Variants in ZC3H18 observed in about 807,000 individuals in gnomAD.
ZC3H18 encodes zinc finger CCCH-type containing 18.
A neutral mutation model predicts 106.1 loss-of-function variants in ZC3H18; 8 were observed. The ratio of observed to expected loss-of-function variants is 0.08; its 90% CI spans 0.04 to 0.14. ZC3H18 has a LOEUF of 0.14. Ranked by LOEUF, ZC3H18 falls within the 10% of genes least tolerant of loss-of-function variation. ZC3H18 has a pLI of 1.00. For synonymous variants in ZC3H18, 635 were observed against 522.1 expected (o/e 1.22, Z -2.95); for missense variants, 1,318 against 1,278.4 (o/e 1.03, Z -0.47).
intron 8 of ZC3H18, among the ~76,000 whole-genome samples, chr16:88,617,790 C>A (rs955041703): frequency 6.6e-6 from 1 of 152,236 alleles, no homozygotes; most frequent in Non-Finnish European, 1.5e-5. Context: ...CCGCAGAGTC[C>A]GCACCCCTTT....
chr16:88,596,134 C>A (rs937012806), intron 3 of ZC3H18, among the ~76,000 whole-genome samples: 1 of 152,210 alleles, frequency 6.6e-6, no homozygotes, highest in African/African-American at 2.4e-5. Flanking sequence ...TGTCTGGTCT[C>A]TAGTGGCAGC....
chr16:88,608,628 G>C (rs1262983782), intron 6 of ZC3H18: 1 of 186,194 alleles, frequency 5.4e-6, no homozygotes, highest in African/African-American at 2.4e-5. Flanking sequence ...CTCCCACGGT[G>C]CTGGGATTAC....
intron 6 of ZC3H18, among the ~76,000 whole-genome samples, chr16:88,601,899 T>A (rs2142699731): frequency 6.6e-6 from 1 of 151,296 alleles, no homozygotes; most frequent in African/African-American, 2.4e-5. Flanking sequence ...ATAGACACAG[T>A]GGAAAGAACT....
Position 88,577,155 on chromosome 16 carries a change from C to T in ZC3H18, c.32C>T (p.Pro11Leu). The T allele has an allele frequency of 6.3e-7, 1 of 1,582,396 alleles. No homozygotes were observed. The highest frequency in any genetic ancestry group is 8.6e-7 in the Non-Finnish European group (1 of 1,162,122). MDVAESPERDPHSPEDEEQPQ... is the reference protein window; with the variant it reads MDVAESPERDLHSPEDEEQPQ... ...GTGGCCGAGAGCCCTGAACGGGATC[C>T]TCACTCTCCAGAGGATGAAGAGCAG... The change falls in exon 2 of 18, where the codon CCT becomes CTT. Residue 11 changes from proline (P) to leucine (L), a missense_variant. Around this residue, in one of 6 missense-constraint regions of ZC3H18, gnomAD observed 346 missense variants for 269.0 expected, o/e 1.29. Transcript: ENST00000301011.
chr16:88,613,016 G>A (rs150815311), intron 8 of ZC3H18, among the ~76,000 whole-genome samples: 128 of 152,160 alleles, frequency 8.4e-4, no homozygotes, highest in African/African-American at 2.9e-3. Flanking sequence ...ATAAAAAGAA[G>A]AAACATTGTA....
chr16:88,575,203 A>G (rs1169407065), intron 1 of ZC3H18, among the ~76,000 whole-genome samples: 2 of 151,962 alleles, frequency 1.3e-5, no homozygotes, highest in East Asian at 3.8e-4. Context: ...GTTGATACCA[A>G]TTCTTGATAC....
intron 1 of ZC3H18, among the ~76,000 whole-genome samples, chr16:88,576,198 G>T (rs1914737264): frequency 6.8e-6 from 1 of 146,634 alleles, no homozygotes; most frequent in Non-Finnish European, 1.5e-5. Flanking sequence ...ACCGCGCCTG[G>T]CCTGAATTTT....
intron 6 of ZC3H18, among the ~76,000 whole-genome samples, chr16:88,608,005 T>C (rs544178922): frequency 7.9e-5 from 12 of 152,362 alleles, no homozygotes; most frequent in African/African-American, 2.9e-4. Context: ...TAACTGGTTA[T>C]AATCTGTGTC....
At chr16:88,571,152 A>G (rs1914381915) in intron 1 of ZC3H18, among the ~76,000 whole-genome samples, 2 of 152,208 alleles carry the variant, frequency 1.3e-5, no homozygotes, top group Admixed American at 6.5e-5. Context: ...GACCAACTGC[A>G]GCTATAATGC....
rs766039591 is a variant in ZC3H18, at chr16:88,630,544, G to C, written c.2626G>C (p.Gly876Arg). ...CTCCCCGAAGCCAGAGCGGCAGAGA[G>C]GCCAGAACTCCAAAGCCCCTGCAGC... is the stretch of plus-strand genomic sequence containing the variant. ...LGSPKPERQR[G>R]QNSKAPAAPA... is the part of the protein sequence containing the mutation. The change falls in exon 17 of 18, where the codon GGC (glycine) becomes CGC (arginine). Residue 876 changes from glycine (G) to arginine (R), a missense_variant. Physicochemically the swap from Gly to Arg is moderately radical, Grantham distance 125 (BLOSUM62 -2). Transcript: ENST00000301011. 1 of 1,612,372 alleles carries C rather than the reference G, an allele frequency of 6.2e-7. No individual in the cohort carries two copies. Among genetic ancestry groups the C allele is most frequent in the South Asian group, 1.1e-5 (1 of 90,770 alleles).
rs766353472 is a variant in ZC3H18 at position 88,609,097 on chromosome 16, A to G, written c.1206+46A>G. 7 of 1,464,528 alleles carry G rather than the reference A, an allele frequency of 4.8e-6. No individual in the cohort carries two copies. In the Admixed American group the frequency reaches 1.2e-4, roughly 26 times the overall value. 90.7% of individuals were successfully genotyped at this position (1,464,528 alleles called of 1,614,324 possible). A position where few individuals can be genotyped will look rare whatever the true frequency, so the allele number is the denominator to read the frequency against. The stretch of plus-strand genomic sequence containing the variant: ...CACATATGAACTTCATGATCTGTTC[A>G]TTCAAGTTATCCCTTTTTATTTACA... On this transcript the variant is annotated intron_variant, in intron 7 of 17. Transcript: ENST00000301011.
intron 2 of ZC3H18, among the ~76,000 whole-genome samples, chr16:88,581,557 C>A (rs553305622): frequency 1.3e-5 from 2 of 152,196 alleles, no homozygotes; most frequent in Non-Finnish European, 2.9e-5. Flanking sequence ...GGAAAGTTTC[C>A]GTACAGGGCT....
chr16:88,577,296 C>T lies in ZC3H18; in HGVS notation c.173C>T (p.Pro58Leu), dbSNP rs200921944. ...LEDEESAARG[P>L]SQEEEDNHSD... ...GATGAGGAAAGTGCAGCCAGGGGGCCGAGCCAGGAGGAGGAAGATAATCAC... is the reference window on the plus strand; with the variant it reads ...GATGAGGAAAGTGCAGCCAGGGGGCTGAGCCAGGAGGAGGAAGATAATCAC... Residue 58 changes from proline (P) to leucine (L), a missense_variant, in exon 2 of 18, where the codon CCG (proline) becomes CTG (leucine). Pro to Leu is a moderately conservative substitution (Grantham distance 98, BLOSUM62 -3). This residue lies in a region of ZC3H18 where 346 missense variants were observed against 269.0 expected (regional missense o/e 1.29). Coordinates refer to ENST00000301011, the MANE Select transcript of ZC3H18 (RefSeq NM_144604.4). 5.5e-4 allele frequency: 880 copies of T among 1,612,258 alleles called. No individual in the cohort carries two copies. Among genetic ancestry groups the T allele is most frequent in the Admixed American group, 1.0e-3 (62 of 59,738 alleles).
At chr16:88,602,572 C>G (rs1904803602) in intron 6 of ZC3H18, among the ~76,000 whole-genome samples, 1 of 152,202 alleles carries the variant, frequency 6.6e-6, no homozygotes. Flanking sequence ...ACAAGCCCTC[C>G]AGGTAATTCT....
intron 9 of ZC3H18, 101 bp from the exon 10 acceptor site, chr16:88,623,118 T>A: frequency 6.7e-7 from 1 of 1,492,908 alleles, no homozygotes; most frequent in Non-Finnish European, 9.0e-7. Flanking sequence ...TGTGTGTAGC[T>A]GTGCGTCTGT....
intron 17 of ZC3H18, 27 bp from the exon 18 acceptor site, chr16:88,631,074 C>T (rs777698119): frequency 3.1e-6 from 5 of 1,610,214 alleles, no homozygotes; most frequent in African/African-American, 2.7e-5. Flanking sequence ...CTTCTGGGGG[C>T]TCAAGGTCTT....
rs1343302087 is a variant in ZC3H18 at position 88,577,874 on chromosome 16, C to G, written c.603+148C>G. On this transcript the variant is annotated intron_variant, in intron 2 of 17. Coordinates refer to ENST00000301011, the MANE Select transcript of ZC3H18 (RefSeq NM_144604.4). ...GAGAATGAGAGGCTTGTTTTGGGTT[C>G]AGTCCCATAGTGATTGGAGAGAAAG... 5 of 1,448,198 alleles carry G rather than the reference C, an allele frequency of 3.5e-6. No individual in the cohort carries two copies. The African/African-American group carries it at 7.1e-5, about 20-fold the overall frequency. 89.7% of individuals were successfully genotyped at this position (1,448,198 alleles called of 1,614,324 possible).
chr16:88,585,845 G>C (rs1015739989), intron 2 of ZC3H18, among the ~76,000 whole-genome samples: 3 of 152,122 alleles, frequency 2.0e-5, no homozygotes, highest in African/African-American at 7.2e-5. Flanking sequence ...GCTAGGGCTG[G>C]CTGGAAGAGG....
At chr16:88,575,908 G>C (rs1211274490) in intron 1 of ZC3H18, among the ~76,000 whole-genome samples, 1 of 148,276 alleles carries the variant, frequency 6.7e-6, no homozygotes, top group Non-Finnish European at 1.5e-5. Context: ...GTTTGTTTTT[G>C]TTTTTGTTTT....
Sources: gnomAD v4.1 joint callset for allele counts (sites outside exome capture counted in the v4.1 genomes callset) on GRCh38, gnomAD v4.1.1 for gene constraint, gnomAD v4.1.1 regional missense constraint, MANE v1.5 for transcripts, NCBI Gene and HGNC (gene_info 2026-07-23, HGNC 2026-07-21) for gene names.